MAPKAP1: variants seen among roughly 807,000 people sequenced by gnomAD.
The protein encoded by MAPKAP1 is target of rapamycin complex 2 subunit MAPKAP1.
MAPKAP1 carries 20 observed loss-of-function variants against 65.7 expected under a neutral mutation model. The ratio of observed to expected loss-of-function variants is 0.30; its 90% CI spans 0.21 to 0.44. The LOEUF (loss-of-function observed/expected upper bound fraction) is 0.44, where lower values mean the gene tolerates loss of function less well. Ranked by LOEUF, MAPKAP1 falls within the 20% of genes least tolerant of loss-of-function variation. MAPKAP1 has a pLI of 1.00. For missense variants in MAPKAP1, 423 were observed against 648.0 expected, an observed-to-expected ratio of 0.65 and a Z score of 3.77; for synonymous variants, 222 against 244.3, an observed-to-expected ratio of 0.91 and a Z score of 0.85.
intron 1 of MAPKAP1, among the ~76,000 whole-genome samples, chr9:125,688,849 C>G (rs1014202742): frequency 2.0e-5 from 3 of 152,180 alleles, no homozygotes; most frequent in Non-Finnish European, 4.4e-5. Flanking sequence ...CCCAAGGCCA[C>G]GCAACTAGTA....
chr9:125,496,674 G>A lies in MAPKAP1; in HGVS notation c.1066+9636C>T, dbSNP rs145436272. Among the ~76,000 whole-genome samples, 35 of 152,214 alleles carry A rather than the reference G, an allele frequency of 2.3e-4. No individual in the cohort carries two copies. In the East Asian group the frequency reaches 5.4e-3, roughly 24 times the overall value. ...ATAAATAAGCATCACAAAGAGGGTC[G>A]GAAGCACACCAGGATAAAGCTGACT... On this transcript the variant is annotated intron_variant, in intron 8 of 11. Coordinates refer to ENST00000265960, the MANE Select transcript of MAPKAP1 (RefSeq NM_001006617.3).
chr9:125,465,469 G>C (rs1194858081), intron 10 of MAPKAP1, among the ~76,000 whole-genome samples: 1 of 152,204 alleles, frequency 6.6e-6, no homozygotes, highest in African/African-American at 2.4e-5. Context: ...TTGCTAGATT[G>C]AGTCACTGAA....
intron 6 of MAPKAP1, among the ~76,000 whole-genome samples, chr9:125,557,662 G>GGCTGAGGCAGGAGAATGGCGT (rs1453632260): frequency 7.2e-5 from 11 of 151,936 alleles, no homozygotes; most frequent in Admixed American, 3.3e-4. Context: ...AACCACACAA[G>GGCTGAGGCAGGAGAATGGCGT]GAAGCAATCT....
chr9:125,574,278 A>G (rs1342839154), intron 5 of MAPKAP1, among the ~76,000 whole-genome samples: 1 of 152,252 alleles, frequency 6.6e-6, no homozygotes, highest in Non-Finnish European at 1.5e-5. Context: ...GAGATTAAGC[A>G]GAATGCCAAG....
intron 8 of MAPKAP1, 77 bp downstream of exon 8, chr9:125,506,233 T>G (rs769167581): frequency 4.0e-6 from 5 of 1,248,548 alleles, no homozygotes; most frequent in South Asian, 1.2e-5. Flanking sequence ...ACCAGACCAG[T>G]GAGCGTTTCC....
At chr9:125,689,516 G>A (rs2131843470) in intron 1 of MAPKAP1, among the ~76,000 whole-genome samples, 1 of 148,686 alleles carries the variant, frequency 6.7e-6, no homozygotes, top group East Asian at 2.0e-4. Context: ...GGAGGCTTAA[G>A]GAGGCAGGTC....
At chr9:125,693,518 CATAT>C (rs1355497934) in intron 1 of MAPKAP1, among the ~76,000 whole-genome samples, 1 of 128,014 alleles carries the variant, frequency 7.8e-6, no homozygotes. Flanking sequence ...CATACACACA[CATAT>C]ATACACATAT....
At chr9:125,704,414 T>C (rs1588094439) in intron 1 of MAPKAP1, among the ~76,000 whole-genome samples, 1 of 152,342 alleles carries the variant, frequency 6.6e-6, no homozygotes, top group African/African-American at 2.4e-5. Flanking sequence ...CAGTGTTCTA[T>C]GGTACCTCCT....
rs1852751987 is a variant in MAPKAP1 at position 125,447,243 on chromosome 9, TGAG to T, written c.1346-2648_1346-2646del. ...CCCATCTGAGGAAGAGTGAAGCAGG[TGAG>T]GAGGAGGAAGAGTCCCAACATTCCC... On this transcript the variant is annotated intron_variant, in intron 10 of 11. Transcript: ENST00000265960. This position sits in a 1 kb window ranked among gnomAD's most constrained non-coding sequence, Gnocchi z 4.5. 1 of 375,436 alleles carries T rather than the reference TGAG, an allele frequency of 2.7e-6. No individual in the cohort carries two copies. Among genetic ancestry groups the T allele is most frequent in the South Asian group, 2.0e-5 (1 of 51,036 alleles). 23.3% of individuals were successfully genotyped at this position (375,436 alleles called of 1,614,324 possible). A position where few individuals can be genotyped will look rare whatever the true frequency, so the allele number is the denominator to read the frequency against.
chr9:125,637,076 C>T (rs1221576720), intron 4 of MAPKAP1, among the ~76,000 whole-genome samples: 1 of 152,142 alleles, frequency 6.6e-6, no homozygotes, highest in Non-Finnish European at 1.5e-5. Context: ...TGAGACCAGC[C>T]TGGCCAACAT....
At chr9:125,629,413 T>C (rs757250145) in intron 4 of MAPKAP1, among the ~76,000 whole-genome samples, 3 of 152,218 alleles carry the variant, frequency 2.0e-5, no homozygotes. Flanking sequence ...GGAACATTAT[T>C]CAGCTTTTGA....
chr9:125,490,682 C>T (rs1384800316), intron 8 of MAPKAP1, among the ~76,000 whole-genome samples: 2 of 152,164 alleles, frequency 1.3e-5, no homozygotes, highest in Admixed American at 6.5e-5. Flanking sequence ...TTTTCAACAA[C>T]ATATCTGTGT....
At chr9:125,511,944 G>A (rs1056474786) in intron 7 of MAPKAP1, among the ~76,000 whole-genome samples, 2 of 152,168 alleles carry the variant, frequency 1.3e-5, no homozygotes, top group East Asian at 1.9e-4. Context: ...CCATGTCACC[G>A]AATGGCCTAG....
chr9:125,688,907 C>T (rs1835070260), intron 1 of MAPKAP1, among the ~76,000 whole-genome samples: 1 of 152,172 alleles, frequency 6.6e-6, no homozygotes, highest in South Asian at 2.1e-4. Flanking sequence ...CTCCCAATCA[C>T]TACAATATGC....
intron 5 of MAPKAP1, among the ~76,000 whole-genome samples, chr9:125,568,452 A>G (rs1831128248): frequency 6.6e-6 from 1 of 152,184 alleles, no homozygotes; most frequent in Admixed American, 6.5e-5. Flanking sequence ...TGTCGGCTGC[A>G]TTGAGTGGGT....
At chr9:125,495,293 G>A (rs1215891072) in intron 8 of MAPKAP1, among the ~76,000 whole-genome samples, 2 of 152,150 alleles carry the variant, frequency 1.3e-5, no homozygotes, top group African/African-American at 4.8e-5. Context: ...CAGAGTCACT[G>A]CAGAAATGTC....
chr9:125,684,099 A>C (rs560637797), intron 1 of MAPKAP1, among the ~76,000 whole-genome samples: 1 of 152,320 alleles, frequency 6.6e-6, no homozygotes, highest in South Asian at 2.1e-4. Context: ...AGTCATATGA[A>C]TATTATTTTT....
intron 4 of MAPKAP1, among the ~76,000 whole-genome samples, chr9:125,652,999 G>A (rs557431836): frequency 3.3e-5 from 5 of 152,308 alleles, no homozygotes; most frequent in African/African-American, 1.2e-4. Context: ...CTGCCCCATC[G>A]TCAGTGCCCT....
intron 7 of MAPKAP1, among the ~76,000 whole-genome samples, chr9:125,520,936 C>T (rs948905516): frequency 6.6e-6 from 1 of 152,176 alleles, no homozygotes; most frequent in African/African-American, 2.4e-5. Context: ...AGGGTCCAAT[C>T]CCTCATCCCC....
Sources: gnomAD v4.1 joint callset for allele counts (sites outside exome capture counted in the v4.1 genomes callset) on GRCh38, gnomAD v4.1.1 for gene constraint, Gnocchi (gnomAD v3.1) non-coding constraint, MANE v1.5 for transcripts, NCBI Gene and HGNC (gene_info 2026-07-23, HGNC 2026-07-21) for gene names.